The following TRIM24 variants were observed in gnomAD, a reference collection of about 807,000 sequenced individuals.
TRIM24 encodes tripartite motif containing 24, also known as transcription intermediary factor 1-alpha.
TRIM24 carries 29 observed loss-of-function variants against 123.9 expected under a neutral mutation model. The observed-to-expected ratio is 0.23, with a 90% CI of 0.17 to 0.32. The LOEUF (loss-of-function observed/expected upper bound fraction) is 0.32, where lower values mean the gene tolerates loss of function less well. TRIM24 is among the 10% of genes least tolerant of loss of function. The pLI, the probability that TRIM24 is intolerant of heterozygous loss-of-function variation, is 1.00. For missense variants in TRIM24, 932 were observed against 1,295.3 expected, an observed-to-expected ratio of 0.72 and a Z score of 4.31; for synonymous variants, 456 against 461.1, an observed-to-expected ratio of 0.99 and a Z score of 0.14.
At chr7:138,496,424 A>AT (rs1401355695) in intron 1 of TRIM24, among the ~76,000 whole-genome samples, 12 of 152,128 alleles carry the variant, frequency 7.9e-5, no homozygotes, top group Admixed American at 7.9e-4. Flanking sequence ...GGATTTATTT[A>AT]TTTTTTATTG....
In TRIM24 at chr7:138,534,641, G is replaced by T. The variant is rs564170596; in HGVS notation, c.997-4016G>T. Among the ~76,000 whole-genome samples the T allele has an allele frequency of 2.0e-5, 3 of 152,180 alleles. No individual in the cohort carries two copies. The East Asian group carries it at 5.8e-4, about 29-fold the overall frequency. On this transcript the variant is annotated intron_variant, in intron 6 of 18. Transcript: ENST00000343526. ...GGAGTGCATTACTTCCAACTGTGTG[G>T]TCAATTTTGGAATAAGTGTGATGTG...
rs1052735343 is a variant in TRIM24 at position 138,570,862 on chromosome 7, A to G, written c.1737A>G (p.Ser579=). The G allele has an allele frequency of 3.7e-6, 6 of 1,613,880 alleles. No homozygotes were observed. In the African/African-American group the frequency reaches 6.7e-5, roughly 18 times the overall value. Residue 579 remains serine (S), a synonymous_variant, in exon 11 of 19, where the codon TCA becomes TCG. Transcript: ENST00000343526. ...TCAGCAGTGGACAGGGAACCCCATC[A>G]ACTACCAACAGCACATCCTCTACTC... ...WQISSGQGTP[S]TTNSTSSTPS...
intron 2 of TRIM24, 123 bp from the exon 3 acceptor site, chr7:138,515,089 C>T: frequency 1.1e-6 from 1 of 928,368 alleles, no homozygotes; most frequent in Non-Finnish European, 1.5e-6. Flanking sequence ...TTAAAATTTC[C>T]CAACACCATT....
At chr7:138,533,773 T>C (rs990853335) in intron 6 of TRIM24, among the ~76,000 whole-genome samples, 1 of 152,228 alleles carries the variant, frequency 6.6e-6, no homozygotes, top group African/African-American at 2.4e-5. Flanking sequence ...TTCGTTGGAA[T>C]AGTTTCAGAA....
chr7:138,475,455 A>C (rs1017323475), intron 1 of TRIM24, among the ~76,000 whole-genome samples: 1 of 152,224 alleles, frequency 6.6e-6, no homozygotes, highest in Non-Finnish European at 1.5e-5. Flanking sequence ...AAATGGGCTT[A>C]ACTGGCCTAT....
At chr7:138,567,359 T>C in intron 9 of TRIM24, 122 bp from the exon 10 acceptor site, 1 of 910,372 alleles carries the variant, frequency 1.1e-6, no homozygotes, top group Non-Finnish European at 1.6e-6. Context: ...TATGTAAATC[T>C]TAATAATTGA....
intron 12 of TRIM24, among the ~76,000 whole-genome samples, chr7:138,575,456 C>A (rs1332576027): frequency 1.4e-5 from 2 of 140,848 alleles, no homozygotes; most frequent in Admixed American, 1.4e-4. Flanking sequence ...CCAGGCCTGG[C>A]TAATTTTTTT....
intron 1 of TRIM24, chr7:138,490,831 C>A: frequency 2.2e-6 from 1 of 461,304 alleles, no homozygotes. Context: ...TCTTTCAAGT[C>A]ATTTGTCTGT....
intron 6 of TRIM24, among the ~76,000 whole-genome samples, chr7:138,538,112 C>T (rs1796931599): frequency 6.6e-6 from 1 of 152,266 alleles, no homozygotes; most frequent in Middle Eastern, 3.4e-3. Context: ...TCTGTTGGCT[C>T]CGATGTTAAT....
chr7:138,571,051 C>A, intron 11 of TRIM24, 48 bp downstream of exon 11: 1 of 1,585,292 alleles, frequency 6.3e-7, no homozygotes, highest in Non-Finnish European at 8.6e-7. Context: ...AACTGTTGGC[C>A]GGGTGCAGTG....
intron 1 of TRIM24, among the ~76,000 whole-genome samples, chr7:138,469,674 A>T (rs1386637550): frequency 1.3e-5 from 2 of 152,210 alleles, no homozygotes; most frequent in Non-Finnish European, 2.9e-5. Context: ...AAGTGCCATT[A>T]TATTTTATTC....
chr7:138,528,212 A>G (rs1297585539), intron 5 of TRIM24, among the ~76,000 whole-genome samples: 2 of 152,188 alleles, frequency 1.3e-5, no homozygotes, highest in Non-Finnish European at 2.9e-5. Flanking sequence ...CATGACTTTC[A>G]CTGAGCTGCT....
chr7:138,540,418 G>A lies in TRIM24; in HGVS notation c.1143+1615G>A, dbSNP rs568552637. On this transcript the variant is annotated intron_variant, in intron 7 of 18. Transcript: ENST00000343526. ...TATGGAATATTCTAAATTCTTTGTTGTCATCTCAACAATGATCACAGCATC... is the reference window on the plus strand; with the variant it reads ...TATGGAATATTCTAAATTCTTTGTTATCATCTCAACAATGATCACAGCATC... Among the ~76,000 whole-genome samples, 29 of 152,264 alleles carry A rather than the reference G, an allele frequency of 1.9e-4. No individual in the cohort carries two copies. In the South Asian group the frequency reaches 5.8e-3, roughly 30 times the overall value.
rs1266984634 is a variant in TRIM24 at position 138,587,552 on chromosome 7, C to T, written c.*2601C>T. ...CCACACTCACTTATCAAGCATTCCC[C>T]CAAAAGTTCAGTGCGATTCAGGTAA... is the stretch of plus-strand genomic sequence containing the variant. On this transcript the variant is annotated 3_prime_UTR_variant, in exon 19 of 19. Coordinates refer to ENST00000343526, the MANE Select transcript of TRIM24 (RefSeq NM_015905.3). The T allele has an allele frequency of 2.0e-5, 3 of 152,194 alleles. No homozygotes were observed. The highest frequency in any genetic ancestry group is 2.9e-5 in the Non-Finnish European group (2 of 68,054). The allele number at this position is 152,194 out of a possible 1,614,324, so 9.4% of individuals were successfully genotyped here.
At chr7:138,550,420 G>C (rs2116628989) in intron 7 of TRIM24, among the ~76,000 whole-genome samples, 1 of 151,938 alleles carries the variant, frequency 6.6e-6, no homozygotes, top group Middle Eastern at 3.4e-3. Flanking sequence ...TCATTTGGTT[G>C]GATATTGAAA....
chr7:138,523,666 G>A (rs997956006), intron 4 of TRIM24, among the ~76,000 whole-genome samples: 3 of 151,050 alleles, frequency 2.0e-5, no homozygotes, highest in Admixed American at 6.6e-5. Flanking sequence ...CAGGAGAATG[G>A]CGTGAACCCA....
chr7:138,478,632 A>C (rs1279768433), intron 1 of TRIM24, among the ~76,000 whole-genome samples: 2 of 152,138 alleles, frequency 1.3e-5, no homozygotes, highest in Non-Finnish European at 2.9e-5. Context: ...GCATGCTACC[A>C]CACCCAGCTA....
Position 138,585,083 on chromosome 7 carries a change from A to G in TRIM24, c.*132A>G, listed in dbSNP as rs1797985857. ...CATCTCTGTTTTGGACGTTTACTAG[A>G]CTTTGATTTCCTTAATAGCCCATTT... On this transcript the variant is annotated 3_prime_UTR_variant, in exon 19 of 19. Transcript: ENST00000343526. The G allele has an allele frequency of 1.3e-5, 9 of 709,796 alleles. 1 individual carries two copies. In the South Asian group the frequency reaches 2.3e-4, roughly 18 times the overall value. The allele number at this position is 709,796 out of a possible 1,614,324, so 44.0% of individuals were successfully genotyped here.
chr7:138,576,020 C>T (rs1161924314), intron 12 of TRIM24, among the ~76,000 whole-genome samples: 1 of 152,122 alleles, frequency 6.6e-6, no homozygotes, highest in African/African-American at 2.4e-5. Flanking sequence ...AAAGACTTGG[C>T]AATGTTTGGA....
Sources: gnomAD v4.1 joint callset for allele counts (sites outside exome capture counted in the v4.1 genomes callset) on GRCh38, gnomAD v4.1.1 for gene constraint, MANE v1.5 for transcripts, NCBI Gene and HGNC (gene_info 2026-07-23, HGNC 2026-07-21) for gene names.